C19orf84: variants seen among roughly 807,000 people sequenced by gnomAD.
C19orf84 encodes the protein chromosome 19 open reading frame 84, also known as piRNA-mediated silencing protein C19orf84.
A neutral mutation model predicts 4.0 loss-of-function variants in C19orf84; 1 was observed. The ratio of observed to expected loss-of-function variants is 0.25; its 90% CI spans 0.09 to 1.19. The LOEUF (loss-of-function observed/expected upper bound fraction) is 1.19. Among genes scored for constraint, C19orf84 ranks in the 50% most tolerant of loss-of-function variants. The pLI is 0.50. For synonymous variants in C19orf84, 123 were observed against 109.6 expected, an observed-to-expected ratio of 1.12 and a Z score of -0.76; for missense variants, 224 against 246.8, an observed-to-expected ratio of 0.91 and a Z score of 0.62.
rs1271495814 is a variant in C19orf84 at position 51,390,546 on chromosome 19, A to C, written c.-34T>G. On this transcript the variant is annotated 5_prime_UTR_variant, in exon 1 of 2. Transcript: ENST00000574814. Reference sequence around the variant, plus strand: ...GGGCCCTCTTACGTATCTTCTAGCAACTTCGCCTCCGAGATCCTTCGGGGG... The same window carrying C: ...GGGCCCTCTTACGTATCTTCTAGCACCTTCGCCTCCGAGATCCTTCGGGGG... 6.6e-7 allele frequency: 1 copy of C among 1,513,640 alleles called. No individual in the cohort carries two copies. The highest frequency in any genetic ancestry group is 8.8e-7 in the Non-Finnish European group (1 of 1,134,542). The allele number at this position is 1,513,640 out of a possible 1,614,324, so 93.8% of individuals were successfully genotyped here. A position where few individuals can be genotyped will look rare whatever the true frequency, so the allele number is the denominator to read the frequency against.
Position 51,389,107 on chromosome 19 carries a change from G to A in C19orf84, c.438C>T (p.Thr146=), listed in dbSNP as rs951332253. The A allele has an allele frequency of 1.7e-5, 26 of 1,535,890 alleles. No individual in the cohort carries two copies. Among genetic ancestry groups the A allele is most frequent in the Non-Finnish European group, 2.1e-5 (24 of 1,146,802 alleles). Residue 146 remains threonine (T), a synonymous_variant, in exon 2 of 2, where the codon ACC becomes ACT. Coordinates refer to ENST00000574814, the MANE Select transcript of C19orf84 (RefSeq NM_001193623.2). The surrounding 1 kb of genome is among the most constrained non-coding windows in gnomAD (Gnocchi z 4.7). ...RAGGPGAGPR[T]PPMTLPSPPT... ...GTGGTGATGGCAGTGTCATTGGTGG[G>A]GTCCTGGGGCCAGCCCCAGGGCCCC...
Position 51,390,398 on chromosome 19 carries a change from G to A in C19orf84, c.35+80C>T, listed in dbSNP as rs376438556. The A allele has an allele frequency of 3.0e-5, 43 of 1,412,008 alleles. No individual in the cohort carries two copies. The East Asian group carries it at 9.5e-4, about 31-fold the overall frequency. The allele number at this position is 1,412,008 out of a possible 1,614,324, so 87.5% of individuals were successfully genotyped here. A position where few individuals can be genotyped will look rare whatever the true frequency, so the allele number is the denominator to read the frequency against. Reference sequence around the variant, plus strand: ...TTCTCTATGCAGGTCTGTTCAGCGCGCCCTTTCTCTCTCGTTTTCTCTGTC... The same window carrying A: ...TTCTCTATGCAGGTCTGTTCAGCGCACCCTTTCTCTCTCGTTTTCTCTGTC... On this transcript the variant is annotated intron_variant, in intron 1 of 1. Coordinates refer to ENST00000574814, the MANE Select transcript of C19orf84 (RefSeq NM_001193623.2).
Position 51,390,498 on chromosome 19 carries a change from C to G in C19orf84, c.15G>C (p.Lys5Asn), listed in dbSNP as rs73562119. The change falls in exon 1 of 2, where the codon AAG becomes AAC. Residue 5 changes from lysine (K) to asparagine (N), a missense_variant. By Grantham distance (94) the Lys-to-Asn change is moderately conservative. Transcript: ENST00000574814. The part of the protein sequence containing the change: MEQP[K>N]DGAGPEGNNL... Reference sequence around the variant, plus strand: ...CTCACCCTTCAGGCCCAGCCCCGTCCTTTGGTTGTTCCATCTCCACTGGGG... The same window carrying G: ...CTCACCCTTCAGGCCCAGCCCCGTCGTTTGGTTGTTCCATCTCCACTGGGG... 2 of 1,533,204 alleles carry G rather than the reference C, an allele frequency of 1.3e-6. No homozygotes were observed. Among genetic ancestry groups the G allele is most frequent in the Non-Finnish European group, 1.7e-6 (2 of 1,145,396 alleles). The allele number at this position is 1,533,204 out of a possible 1,614,324, so 95.0% of individuals were successfully genotyped here.
In C19orf84 at chr19:51,389,105, G is replaced by T; in HGVS notation, c.440C>A (p.Pro147Gln). 1 of 1,535,934 alleles carries T rather than the reference G, an allele frequency of 6.5e-7. No individual in the cohort carries two copies. Among genetic ancestry groups the T allele is most frequent in the Non-Finnish European group, 8.7e-7 (1 of 1,146,810 alleles). Reference sequence around the variant, plus strand: ...TGGTGGTGATGGCAGTGTCATTGGTGGGGTCCTGGGGCCAGCCCCAGGGCC... The same window carrying T: ...TGGTGGTGATGGCAGTGTCATTGGTTGGGTCCTGGGGCCAGCCCCAGGGCC... Reference protein sequence around the residue: ...AGGPGAGPRTPPMTLPSPPTL... With the variant: ...AGGPGAGPRTQPMTLPSPPTL... Residue 147 changes from proline (P) to glutamine (Q), a missense_variant, in exon 2 of 2, where the codon CCA (proline) becomes CAA (glutamine). Transcript: ENST00000574814. The surrounding 1 kb of genome is among the most constrained non-coding windows in gnomAD (Gnocchi z 4.7).
rs1987256618 is a variant in C19orf84, at chr19:51,389,965, G to A, written c.36-456C>T. ...TTATTCTTGGAAATTTCTGTTCGAT[G>A]AGTATCTGTTTCTAGCTCTTTTTTT... On this transcript the variant is annotated intron_variant, in intron 1 of 1. Transcript: ENST00000574814. This position sits in a 1 kb window ranked among gnomAD's most constrained non-coding sequence, Gnocchi z 4.7. Among the ~76,000 whole-genome samples the A allele has an allele frequency of 6.6e-6, 1 of 151,876 alleles. No individual in the cohort carries two copies. Among genetic ancestry groups the A allele is most frequent in the Non-Finnish European group, 1.5e-5 (1 of 67,954 alleles).
chr19:51,389,478 C>G lies in C19orf84; in HGVS notation c.67G>C (p.Glu23Gln), dbSNP rs765385571. The G allele has an allele frequency of 9.1e-6, 13 of 1,430,902 alleles. No homozygotes were observed. The highest frequency in any genetic ancestry group is 1.2e-5 in the Non-Finnish European group (13 of 1,096,018). The allele number at this position is 1,430,902 out of a possible 1,614,324, so 88.6% of individuals were successfully genotyped here. ...GGGAGAGGCGCAGGGGGCCATGGCT[C>G]GGTCCCAGATGACGGCAGGGACAGG... ...NNLSLPSSGT[E>Q]PWPPAPLPAP... Residue 23 changes from glutamate (E) to glutamine (Q), a missense_variant, in exon 2 of 2, where the codon GAG (glutamate) becomes CAG (glutamine). Coordinates refer to ENST00000574814, the MANE Select transcript of C19orf84 (RefSeq NM_001193623.2). The surrounding 1 kb of genome is among the most constrained non-coding windows in gnomAD (Gnocchi z 4.7).
At position 51,388,730 on chromosome 19, in the gene C19orf84, G is replaced by A. The variant is rs778967571; in HGVS notation, c.*254C>T. ...TGTGGTTGTGGTTGGGGATGGCATT[G>A]GGAATGGGGTTGAGGCCATCAAGGA... is the stretch of plus-strand genomic sequence containing the variant. On this transcript the variant is annotated 3_prime_UTR_variant, in exon 2 of 2. Transcript: ENST00000574814. The A allele has an allele frequency of 1.7e-5, 9 of 544,328 alleles. No individual in the cohort carries two copies. Among genetic ancestry groups the A allele is most frequent in the Non-Finnish European group, 2.6e-5 (8 of 306,442 alleles). The allele number at this position is 544,328 out of a possible 1,614,324, so 33.7% of individuals were successfully genotyped here. A position where few individuals can be genotyped will look rare whatever the true frequency, so the allele number is the denominator to read the frequency against.
Position 51,389,598 on chromosome 19 carries a change from A to C in C19orf84, c.36-89T>G. On this transcript the variant is annotated intron_variant, in intron 1 of 1. Transcript: ENST00000574814. This position sits in a 1 kb window ranked among gnomAD's most constrained non-coding sequence, Gnocchi z 4.7. Reference sequence around the variant, plus strand: ...CCAGGCTGTCTCTGCACCTCTGCAGAAGGCAGCCATCTCTCCATCCTCAGT... The same window carrying C: ...CCAGGCTGTCTCTGCACCTCTGCAGCAGGCAGCCATCTCTCCATCCTCAGT... 2 of 1,141,682 alleles carry C rather than the reference A, an allele frequency of 1.8e-6. No homozygotes were observed. The highest frequency in any genetic ancestry group is 2.3e-6 in the Non-Finnish European group (2 of 881,898). 70.7% of individuals were successfully genotyped at this position (1,141,682 alleles called of 1,614,324 possible).
Position 51,389,198 on chromosome 19 carries a change from C to T in C19orf84, c.347G>A (p.Gly116Asp), listed in dbSNP as rs1987204246. The part of the protein sequence containing the change: ...RGGWEVRHRP[G>D]WGRGLHRRGL... ...CCGTCGATGCAGGCCTCGGCCCCAG[C>T]CTGGCCTGTGCCTGACTTCCCAGCC... is the stretch of plus-strand genomic sequence containing the variant. Residue 116 changes from glycine to aspartate, a missense_variant, in exon 2 of 2, where the codon GGC becomes GAC. Physicochemically the swap from Gly to Asp is moderately conservative, Grantham distance 94. Coordinates refer to ENST00000574814, the MANE Select transcript of C19orf84 (RefSeq NM_001193623.2). This position sits in a 1 kb window ranked among gnomAD's most constrained non-coding sequence, Gnocchi z 4.7. 6.5e-7 allele frequency: 1 copy of T among 1,534,652 alleles called. No individual in the cohort carries two copies. The highest frequency in any genetic ancestry group is 8.7e-7 in the Non-Finnish European group (1 of 1,146,030).
At position 51,389,281 on chromosome 19, in the gene C19orf84, G is replaced by C; in HGVS notation, c.264C>G (p.Cys88Trp). 3.3e-6 allele frequency: 5 copies of C among 1,535,920 alleles called. No individual in the cohort carries two copies. Among genetic ancestry groups the C allele is most frequent in the Non-Finnish European group, 4.4e-6 (5 of 1,146,764 alleles). ...CCGGCTGGGAGTGGCCTGCCTGGGAGCAGCAGGGGCAAGAGGGCAAGGCCT... is the reference window on the plus strand; with the variant it reads ...CCGGCTGGGAGTGGCCTGCCTGGGACCAGCAGGGGCAAGAGGGCAAGGCCT... ...FQQALPSCPC[C>W]SQAGHSQPGA... The change falls in exon 2 of 2, where the codon TGC becomes TGG. Residue 88 changes from cysteine (C) to tryptophan (W), a missense_variant. Physicochemically the swap from Cys to Trp is radical, Grantham distance 215 (BLOSUM62 -2). Coordinates refer to ENST00000574814, the MANE Select transcript of C19orf84 (RefSeq NM_001193623.2). This position sits in a 1 kb window ranked among gnomAD's most constrained non-coding sequence, Gnocchi z 4.7.
In C19orf84 at chr19:51,390,531, A is replaced by C. The variant is rs1297481893; in HGVS notation, c.-19T>G. ...GTTCCATCTCCACTGGGGCCCTCTT[A>C]CGTATCTTCTAGCAACTTCGCCTCC... On this transcript the variant is annotated 5_prime_UTR_variant, in exon 1 of 2. Coordinates refer to ENST00000574814, the MANE Select transcript of C19orf84 (RefSeq NM_001193623.2). 1 of 1,520,040 alleles carries C rather than the reference A, an allele frequency of 6.6e-7. No homozygotes were observed. Among genetic ancestry groups the C allele is most frequent in the African/African-American group, 1.4e-5 (1 of 71,918 alleles). The allele number at this position is 1,520,040 out of a possible 1,614,324, so 94.2% of individuals were successfully genotyped here.
chr19:51,389,377 G>C lies in C19orf84; in HGVS notation c.168C>G (p.Thr56=), dbSNP rs886975159. The change falls in exon 2 of 2, where the codon ACC becomes ACG. Residue 56 remains threonine, a synonymous_variant. Coordinates refer to ENST00000574814, the MANE Select transcript of C19orf84 (RefSeq NM_001193623.2). This position sits in a 1 kb window ranked among gnomAD's most constrained non-coding sequence, Gnocchi z 4.7. ...LGLPESVASV[T]VPIRLDTLSC... is the part of the protein sequence containing the mutation. ...AGAGGGTGTCCAGGCGTATGGGCAC[G>C]GTGACAGAGGCCACGCTCTCCGGGA... The C allele has an allele frequency of 2.2e-5, 33 of 1,514,360 alleles. No individual in the cohort carries two copies. In the Admixed American group the frequency reaches 5.6e-4, roughly 26 times the overall value. 93.8% of individuals were successfully genotyped at this position (1,514,360 alleles called of 1,614,324 possible). A position where few individuals can be genotyped will look rare whatever the true frequency, so the allele number is the denominator to read the frequency against.
Position 51,389,568 on chromosome 19 carries a change from C to T in C19orf84, c.36-59G>A, listed in dbSNP as rs570126472. 2.3e-5 allele frequency: 31 copies of T among 1,327,516 alleles called. No individual in the cohort carries two copies. The African/African-American group carries it at 3.9e-4, about 17-fold the overall frequency. 82.2% of individuals were successfully genotyped at this position (1,327,516 alleles called of 1,614,324 possible). A position where few individuals can be genotyped will look rare whatever the true frequency, so the allele number is the denominator to read the frequency against. ...AGCGTCTCCGTACTTTCTTGTTTCTCGCTGCCAGGCTGTCTCTGCACCTCT... is the reference window on the plus strand; with the variant it reads ...AGCGTCTCCGTACTTTCTTGTTTCTTGCTGCCAGGCTGTCTCTGCACCTCT... On this transcript the variant is annotated intron_variant, in intron 1 of 1. Transcript: ENST00000574814. The surrounding 1 kb of genome is among the most constrained non-coding windows in gnomAD (Gnocchi z 4.7).
Position 51,389,602 on chromosome 19 carries a change from C to T in C19orf84, c.36-93G>A. 1 of 1,107,530 alleles carries T rather than the reference C, an allele frequency of 9.0e-7. No individual in the cohort carries two copies. The highest frequency in any genetic ancestry group is 1.2e-6 in the Non-Finnish European group (1 of 851,620). The allele number at this position is 1,107,530 out of a possible 1,614,324, so 68.6% of individuals were successfully genotyped here. A position where few individuals can be genotyped will look rare whatever the true frequency, so the allele number is the denominator to read the frequency against. On this transcript the variant is annotated intron_variant, in intron 1 of 1. Transcript: ENST00000574814. The surrounding 1 kb of genome is among the most constrained non-coding windows in gnomAD (Gnocchi z 4.7). ...GCTGTCTCTGCACCTCTGCAGAAGG[C>T]AGCCATCTCTCCATCCTCAGTGCCC...
Position 51,389,738 on chromosome 19 carries a change from TC to T in C19orf84, c.36-230del, listed in dbSNP as rs746874150. On this transcript the variant is annotated intron_variant, in intron 1 of 1. Coordinates refer to ENST00000574814, the MANE Select transcript of C19orf84 (RefSeq NM_001193623.2). The surrounding 1 kb of genome is among the most constrained non-coding windows in gnomAD (Gnocchi z 4.7). ...GCACCAGACAGAACTCAGTTCCAAT[TC>T]CTGGTGGCCTCGCTTTTGGTGGTGT... Among the ~76,000 whole-genome samples, 4 of 152,174 alleles carry T rather than the reference TC, an allele frequency of 2.6e-5. No homozygotes were observed. Among genetic ancestry groups the T allele is most frequent in the Non-Finnish European group, 5.9e-5 (4 of 68,030 alleles).
In C19orf84 at chr19:51,389,265, A is replaced by C; in HGVS notation, c.280T>G (p.Ser94Ala). 2 of 1,535,694 alleles carry C rather than the reference A, an allele frequency of 1.3e-6. No homozygotes were observed. Among genetic ancestry groups the C allele is most frequent in the Middle Eastern group, 3.3e-4 (2 of 5,984 alleles). Residue 94 changes from serine (S) to alanine (A), a missense_variant, in exon 2 of 2, where the codon TCC (serine) becomes GCC (alanine). Coordinates refer to ENST00000574814, the MANE Select transcript of C19orf84 (RefSeq NM_001193623.2). The surrounding 1 kb of genome is among the most constrained non-coding windows in gnomAD (Gnocchi z 4.7). ...SCPCCSQAGH[S>A]QPGAVRRPPR... ...GGCCTCCTAACTGCCCCCGGCTGGG[A>C]GTGGCCTGCCTGGGAGCAGCAGGGG...
In C19orf84 at chr19:51,388,655, A is replaced by G. The variant is rs3826659; in HGVS notation, c.*329T>C. On this transcript the variant is annotated 3_prime_UTR_variant, in exon 2 of 2. Coordinates refer to ENST00000574814, the MANE Select transcript of C19orf84 (RefSeq NM_001193623.2). ...GAGTGGCTTTGGGATTAGGGAGAGG[A>G]TAGGGAATGGGGTTGGAGGAGCCCT... 75,248 of 350,040 alleles carry G rather than the reference A, an allele frequency of 0.21. 12,399 individuals are homozygous for G. The highest frequency in any genetic ancestry group is 0.56 in the African/African-American group (25,839 of 45,836). 21.7% of individuals were successfully genotyped at this position (350,040 alleles called of 1,614,324 possible). A position where few individuals can be genotyped will look rare whatever the true frequency, so the allele number is the denominator to read the frequency against.
Position 51,388,587 on chromosome 19 carries a change from T to G in C19orf84, c.*397A>C. 2 of 222,484 alleles carry G rather than the reference T, an allele frequency of 9.0e-6. No individual in the cohort carries two copies. The highest frequency in any genetic ancestry group is 6.9e-5 in the South Asian group (1 of 14,394). 13.8% of individuals were successfully genotyped at this position (222,484 alleles called of 1,614,324 possible). On this transcript the variant is annotated 3_prime_UTR_variant, in exon 2 of 2. Coordinates refer to ENST00000574814, the MANE Select transcript of C19orf84 (RefSeq NM_001193623.2). ...GTGACAGGGATGGGAATGAATGGGT[T>G]TGGGAACAGGGTATTGAGAGTGGGG...
At chr19:51,390,272 C>T (rs1987270928) in intron 1 of C19orf84, 2 of 447,596 alleles carry the variant, frequency 4.5e-6, no homozygotes, top group Non-Finnish European at 7.5e-6. Context: ...CCACTGCACC[C>T]GGCCTCCGCC....
Sources: gnomAD v4.1 joint callset for allele counts (sites outside exome capture counted in the v4.1 genomes callset) on GRCh38, gnomAD v4.1.1 for gene constraint, Gnocchi (gnomAD v3.1) non-coding constraint, MANE v1.5 for transcripts, NCBI Gene and HGNC (gene_info 2026-07-23, HGNC 2026-07-21) for gene names.